GRIK4: variants seen among roughly 807,000 people sequenced by gnomAD.
The protein encoded by GRIK4 is glutamate ionotropic receptor kainate type subunit 4, also known as glutamate receptor ionotropic, kainate 4.
In GRIK4, 40 loss-of-function variants were observed where a neutral mutation model predicts 104.9. That is an observed-to-expected ratio of 0.38 (90% CI 0.30 to 0.50). The LOEUF is 0.50. GRIK4 is among the 20% of genes least tolerant of loss of function. The pLI is 0.93. For synonymous variants in GRIK4, 485 were observed against 524.9 expected (o/e 0.92, Z 1.04); for missense variants, 1,047 against 1,308.1 (o/e 0.80, Z 3.08).
chr11:120,560,975 G>C (rs1948232479), intron 1 of GRIK4, among the ~76,000 whole-genome samples: 1 of 152,180 alleles, frequency 6.6e-6, no homozygotes, highest in Non-Finnish European at 1.5e-5. Flanking sequence ...TTTGGCCTCA[G>C]CCTTAAATGG....
chr11:120,776,857 C>G (rs60946260), intron 3 of GRIK4, among the ~76,000 whole-genome samples: 4,513 of 152,308 alleles, frequency 0.03, 175 homozygotes, highest in African/African-American at 0.084. Context: ...AGCCGGCTCT[C>G]CGCAGAGCAA....
chr11:120,848,790 G>A (rs530667304), intron 8 of GRIK4, among the ~76,000 whole-genome samples: 1 of 152,272 alleles, frequency 6.6e-6, no homozygotes, highest in African/African-American at 2.4e-5. Flanking sequence ...CCAGAGCTAG[G>A]GTAGGGGAGG....
At chr11:120,800,563 G>A (rs967256997) in intron 3 of GRIK4, among the ~76,000 whole-genome samples, 1 of 152,208 alleles carries the variant, frequency 6.6e-6, no homozygotes, top group Admixed American at 6.5e-5. Context: ...GGTATGCGTG[G>A]ACTTTGCTAG....
intron 3 of GRIK4, among the ~76,000 whole-genome samples, chr11:120,796,153 A>G (rs1214945367): frequency 6.7e-6 from 1 of 150,110 alleles, no homozygotes; most frequent in African/African-American, 2.5e-5. Context: ...CTCCTGCTTC[A>G]GCCTCCCGAG....
chr11:120,628,716 A>T (rs1391655790), intron 1 of GRIK4, among the ~76,000 whole-genome samples: 8 of 152,152 alleles, frequency 5.3e-5, no homozygotes, highest in Non-Finnish European at 1.2e-4. Flanking sequence ...GACCCAGGTG[A>T]GTCCAGAGGC....
chr11:120,762,500 G>C (rs1269625887), intron 3 of GRIK4, among the ~76,000 whole-genome samples: 1 of 152,170 alleles, frequency 6.6e-6, no homozygotes, highest in Non-Finnish European at 1.5e-5. Flanking sequence ...TGGTGAGAGA[G>C]GGCATCCTTG....
At chr11:120,887,970 A>G (rs1955168680) in intron 11 of GRIK4, among the ~76,000 whole-genome samples, 1 of 152,172 alleles carries the variant, frequency 6.6e-6, no homozygotes, top group African/African-American at 2.4e-5. Flanking sequence ...GGGACCACCC[A>G]GAGGCGGTTG....
intron 3 of GRIK4, among the ~76,000 whole-genome samples, chr11:120,784,122 G>A (rs1004459392): frequency 6.6e-6 from 1 of 152,158 alleles, no homozygotes; most frequent in Non-Finnish European, 1.5e-5. Context: ...TTGGAAAAGG[G>A]CAACAGACAA....
In GRIK4 at chr11:120,862,134, A is replaced by G. The variant is rs1954281879; in HGVS notation, c.906+14A>G. On this transcript the variant is annotated intron_variant, in intron 9 of 20. Transcript: ENST00000527524. The stretch of plus-strand genomic sequence containing the variant: ...ACTGGGCCTGCGGTAAGTACCCGCC[A>G]GAGCTCTTCCTGGTGCCCCTTGGCC... 6.2e-7 allele frequency: 1 copy of G among 1,610,538 alleles called. No individual in the cohort carries two copies. The highest frequency in any genetic ancestry group is 8.5e-7 in the Non-Finnish European group (1 of 1,178,192).
At chr11:120,693,580 G>T (rs1302941776) in intron 3 of GRIK4, among the ~76,000 whole-genome samples, 2 of 152,194 alleles carry the variant, frequency 1.3e-5, no homozygotes, top group African/African-American at 4.8e-5. Context: ...TACTGGGAAA[G>T]TCCTGGGTAT....
At chr11:120,518,228 A>AG (rs1947754032) in intron 1 of GRIK4, among the ~76,000 whole-genome samples, 1 of 152,222 alleles carries the variant, frequency 6.6e-6, no homozygotes, top group Non-Finnish European at 1.5e-5. Context: ...CAGTTCCAGC[A>AG]GTGCAACTTT....
intron 7 of GRIK4, among the ~76,000 whole-genome samples, chr11:120,836,168 C>T (rs1044740409): frequency 4.6e-5 from 7 of 152,138 alleles, no homozygotes; most frequent in African/African-American, 1.7e-4. Context: ...TGTGACAGTC[C>T]TGAAGGGGGA....
At chr11:120,852,144 A>G (rs1483100697) in intron 8 of GRIK4, among the ~76,000 whole-genome samples, 1 of 152,224 alleles carries the variant, frequency 6.6e-6, no homozygotes, top group Non-Finnish European at 1.5e-5. Context: ...CTTCAGCTAC[A>G]CAGTTAACCA....
At chr11:120,876,828 G>A (rs1954833313) in intron 11 of GRIK4, among the ~76,000 whole-genome samples, 1 of 152,222 alleles carries the variant, frequency 6.6e-6, no homozygotes, top group Non-Finnish European at 1.5e-5. Context: ...CAAGAGTCTA[G>A]TTGGGTAGGC....
chr11:120,771,268 G>A (rs1450627413), intron 3 of GRIK4, among the ~76,000 whole-genome samples: 1 of 152,198 alleles, frequency 6.6e-6, no homozygotes, highest in East Asian at 1.9e-4. Context: ...CCATCCCAAT[G>A]AAATTTCAGG....
chr11:120,717,116 G>A (rs965448544), intron 3 of GRIK4, among the ~76,000 whole-genome samples: 14 of 152,122 alleles, frequency 9.2e-5, no homozygotes, highest in Admixed American at 3.9e-4. Context: ...TTTTCCTGCC[G>A]ACGGAATGCC....
At chr11:120,932,286 G>A (rs1008499384) in intron 13 of GRIK4, among the ~76,000 whole-genome samples, 35 of 151,896 alleles carry the variant, frequency 2.3e-4, no homozygotes, top group Middle Eastern at 3.4e-3. Flanking sequence ...ACTGCCTGGT[G>A]CAGGGCAGAG....
chr11:120,957,876 G>C (rs994746560), intron 16 of GRIK4, among the ~76,000 whole-genome samples: 4 of 152,188 alleles, frequency 2.6e-5, no homozygotes, highest in African/African-American at 9.7e-5. Flanking sequence ...AGCTGAGATA[G>C]CCATGCCTTC....
At chr11:120,636,458 G>C (rs1949397780) in intron 1 of GRIK4, among the ~76,000 whole-genome samples, 2 of 152,292 alleles carry the variant, frequency 1.3e-5, no homozygotes, top group East Asian at 1.9e-4. Context: ...TCACAGTTTT[G>C]CCCAGGGCTT....
Sources: gnomAD v4.1 joint callset for allele counts (sites outside exome capture counted in the v4.1 genomes callset) on GRCh38, gnomAD v4.1.1 for gene constraint, MANE v1.5 for transcripts, NCBI Gene and HGNC (gene_info 2026-07-23, HGNC 2026-07-21) for gene names.